GINM1: variants seen among roughly 807,000 people sequenced by gnomAD.
The protein encoded by GINM1 is glycoprotein integral membrane protein 1.
A neutral mutation model predicts 37.8 loss-of-function variants in GINM1; 29 were observed. The ratio of observed to expected loss-of-function variants is 0.77; its 90% CI spans 0.57 to 1.05. GINM1 has a LOEUF of 1.05. Among genes scored for constraint, GINM1 ranks in the 50% least tolerant of loss-of-function variants. GINM1 has a pLI of 0.00. For synonymous variants in GINM1, 143 were observed against 146.2 expected (o/e 0.98, Z 0.16); for missense variants, 377 against 397.9 (o/e 0.95, Z 0.45).
intron 7 of GINM1, among the ~76,000 whole-genome samples, chr6:149,583,300 T>C (rs1426627868): frequency 6.6e-6 from 1 of 152,044 alleles, no homozygotes; most frequent in Non-Finnish European, 1.5e-5. Context: ...CTGTCTCTAC[T>C]AAAAATACAA....
chr6:149,584,814 T>G (rs1176790072), intron 7 of GINM1, among the ~76,000 whole-genome samples: 2 of 149,276 alleles, frequency 1.3e-5, no homozygotes, highest in African/African-American at 4.9e-5. Context: ...TATTTATAAA[T>G]GTATATATAT....
chr6:149,572,044 G>T (rs946764014), intron 1 of GINM1, among the ~76,000 whole-genome samples: 14 of 151,972 alleles, frequency 9.2e-5, no homozygotes, highest in African/African-American at 3.4e-4. Flanking sequence ...TTGCGGTACT[G>T]CACTCCAGCC....
chr6:149,566,685 A>C lies in GINM1; in HGVS notation c.120+151A>C. On this transcript the variant is annotated intron_variant, in intron 1 of 7. Transcript: ENST00000367419. The surrounding 1 kb of genome is among the most constrained non-coding windows in gnomAD (Gnocchi z 4.4). The stretch of plus-strand genomic sequence containing the variant: ...GGTGTGGGGAGAAGCACCCCAGGAA[A>C]TGGGGGCGGCGTGGGAGGCCGAGGT... 3 of 1,099,288 alleles carry C rather than the reference A, an allele frequency of 2.7e-6. No individual in the cohort carries two copies. Among genetic ancestry groups the C allele is most frequent in the Non-Finnish European group, 2.4e-6 (2 of 826,894 alleles). 68.1% of individuals were successfully genotyped at this position (1,099,288 alleles called of 1,614,324 possible).
intron 6 of GINM1, chr6:149,582,106 G>A: frequency 2.1e-6 from 1 of 480,788 alleles, no homozygotes; most frequent in Non-Finnish European, 4.3e-6. Context: ...TAATGGACTA[G>A]CCTAACGAAT....
At position 149,591,439 on chromosome 6, in the gene GINM1, G is replaced by T. The variant is rs918016585; in HGVS notation, c.*601G>T. 1 of 151,878 alleles carries T rather than the reference G, an allele frequency of 6.6e-6. No homozygotes were observed. Among genetic ancestry groups the T allele is most frequent in the Non-Finnish European group, 1.5e-5 (1 of 67,980 alleles). The allele number at this position is 151,878 out of a possible 1,614,324, so 9.4% of individuals were successfully genotyped here. A position where few individuals can be genotyped will look rare whatever the true frequency, so the allele number is the denominator to read the frequency against. On this transcript the variant is annotated 3_prime_UTR_variant, in exon 8 of 8. Coordinates refer to ENST00000367419, the MANE Select transcript of GINM1 (RefSeq NM_138785.5). ...AAAAAGACCAGACAAAATCTCATGT[G>T]CCAATAACTTTTCAAGGTGCCTTTG...
chr6:149,566,566 A>G lies in GINM1; in HGVS notation c.120+32A>G. Reference sequence around the variant, plus strand: ...CAGGGCGGGCCTGGCTGGCCGCTTTACGACTCCGACTCTCCGGGAGGCCCG... The same window carrying G: ...CAGGGCGGGCCTGGCTGGCCGCTTTGCGACTCCGACTCTCCGGGAGGCCCG... On this transcript the variant is annotated intron_variant, in intron 1 of 7. Coordinates refer to ENST00000367419, the MANE Select transcript of GINM1 (RefSeq NM_138785.5). This position sits in a 1 kb window ranked among gnomAD's most constrained non-coding sequence, Gnocchi z 4.4. 1 of 1,462,314 alleles carries G rather than the reference A, an allele frequency of 6.8e-7. No individual in the cohort carries two copies. The highest frequency in any genetic ancestry group is 9.0e-7 in the Non-Finnish European group (1 of 1,108,764). 90.6% of individuals were successfully genotyped at this position (1,462,314 alleles called of 1,614,324 possible).
chr6:149,578,444 T>C (rs1318046438), intron 3 of GINM1, among the ~76,000 whole-genome samples: 2 of 148,856 alleles, frequency 1.3e-5, no homozygotes, highest in Non-Finnish European at 3.0e-5. Context: ...GAGAATCCCT[T>C]GAACCCAGGA....
chr6:149,575,300 A>G (rs1777897457), intron 3 of GINM1, among the ~76,000 whole-genome samples: 1 of 152,206 alleles, frequency 6.6e-6, no homozygotes, highest in African/African-American at 2.4e-5. Context: ...TTAGCAGTGA[A>G]TGGTCTGAGG....
Position 149,566,418 on chromosome 6 carries a change from G to A in GINM1, c.4G>A (p.Glu2Lys). ...CCCTCTGCCCGGGTTGTCCAAGATG[G>A]AGGGCGCTCCACCGGGGTCGCTCGC... MEGAPPGSLALR... is the reference protein window; with the variant it reads MKGAPPGSLALR... Residue 2 changes from glutamate to lysine, a missense_variant, in exon 1 of 8, where the codon GAG becomes AAG. Coordinates refer to ENST00000367419, the MANE Select transcript of GINM1 (RefSeq NM_138785.5). The surrounding 1 kb of genome is among the most constrained non-coding windows in gnomAD (Gnocchi z 4.4). The A allele has an allele frequency of 6.4e-7, 1 of 1,568,478 alleles. No homozygotes were observed. Among genetic ancestry groups the A allele is most frequent in the Non-Finnish European group, 8.6e-7 (1 of 1,168,132 alleles).
chr6:149,571,287 T>C (rs1462422841), intron 1 of GINM1, among the ~76,000 whole-genome samples: 4 of 144,192 alleles, frequency 2.8e-5, no homozygotes, highest in Non-Finnish European at 6.0e-5. Context: ...CACTCTAGCC[T>C]GGGCAACAGA....
chr6:149,582,668 A>G (rs1417487669), intron 7 of GINM1, 65 bp downstream of exon 7: 3 of 1,125,038 alleles, frequency 2.7e-6, no homozygotes, highest in East Asian at 2.7e-5. Flanking sequence ...CATATTTGCT[A>G]TGTTTTAGAA....
In GINM1 at chr6:149,591,041, TC is replaced by T. The variant is rs1239832322; in HGVS notation, c.*206del. 4.0e-5 allele frequency: 19 copies of T among 471,198 alleles called. No individual in the cohort carries two copies. Among genetic ancestry groups the T allele is most frequent in the African/African-American group, 3.6e-4 (18 of 50,284 alleles). The allele number at this position is 471,198 out of a possible 1,614,324, so 29.2% of individuals were successfully genotyped here. ...CGGGTGCAGTGGCTCATGCCTGTAA[TC>T]CCAGGACTTTGGGAGGCCAATGCGG... is the stretch of plus-strand genomic sequence containing the variant. On this transcript the variant is annotated 3_prime_UTR_variant, in exon 8 of 8. Transcript: ENST00000367419.
At chr6:149,578,747 A>C (rs1335757705) in intron 3 of GINM1, 75 bp from the exon 4 acceptor site, 25 of 1,026,870 alleles carry the variant, frequency 2.4e-5, no homozygotes, top group Non-Finnish European at 3.4e-5. Context: ...TGTAAATGTC[A>C]TCAAAATAAT....
At chr6:149,567,896 G>A (rs555948128) in intron 1 of GINM1, among the ~76,000 whole-genome samples, 112 of 152,224 alleles carry the variant, frequency 7.4e-4, no homozygotes, top group African/African-American at 2.6e-3. Context: ...CTGGAAATAC[G>A]GACATTATTT....
chr6:149,566,835 G>A lies in GINM1; in HGVS notation c.120+301G>A, dbSNP rs1296616736. On this transcript the variant is annotated intron_variant, in intron 1 of 7. Coordinates refer to ENST00000367419, the MANE Select transcript of GINM1 (RefSeq NM_138785.5). This position sits in a 1 kb window ranked among gnomAD's most constrained non-coding sequence, Gnocchi z 4.4. ...GGCTTTGCCGTCGAAGCGCGCGGTT[G>A]CCGGTGATCAGGCCTTCGTAATGGC... Among the ~76,000 whole-genome samples, 1 of 152,250 alleles carries A rather than the reference G, an allele frequency of 6.6e-6. No individual in the cohort carries two copies. The highest frequency in any genetic ancestry group is 1.9e-4 in the East Asian group (1 of 5,196).
At position 149,586,319 on chromosome 6, in the gene GINM1, A is replaced by G. The variant is rs77197759; in HGVS notation, c.881+3716A>G. ...GGGGGGTGTCAGGCTCTTTTTAACA[A>G]CCAGGTCTCCAGGGAATGAATAATG... On this transcript the variant is annotated intron_variant, in intron 7 of 7. Coordinates refer to ENST00000367419, the MANE Select transcript of GINM1 (RefSeq NM_138785.5). 4.5e-3 allele frequency among the ~76,000 whole-genome samples: 685 copies of G among 152,230 alleles called. 4 individuals are homozygous for G. The highest frequency in any genetic ancestry group is 0.016 in the African/African-American group (660 of 41,538).
At position 149,584,195 on chromosome 6, in the gene GINM1, C is replaced by T. The variant is rs540885532; in HGVS notation, c.881+1592C>T. ...TTTTCCACGTTGGCCCAGCTGGTCT[C>T]GAACTCCTGACCTCAGGTGGATCAG... On this transcript the variant is annotated intron_variant, in intron 7 of 7. Coordinates refer to ENST00000367419, the MANE Select transcript of GINM1 (RefSeq NM_138785.5). 5.3e-5 allele frequency among the ~76,000 whole-genome samples: 8 copies of T among 152,176 alleles called. No individual in the cohort carries two copies. In the South Asian group the frequency reaches 1.5e-3, roughly 28 times the overall value.
At position 149,580,648 on chromosome 6, in the gene GINM1, C is replaced by T; in HGVS notation, c.642C>T (p.Thr214=). The change falls in exon 6 of 8, where the codon ACC becomes ACT. Residue 214 remains threonine (T), a synonymous_variant. Coordinates refer to ENST00000367419, the MANE Select transcript of GINM1 (RefSeq NM_138785.5). ...AGTATCTTATCAGGAATGTGGAAAC[C>T]ACTGTAGATGAAGATGTTTTACCTG... ...TSQYLIRNVE[T]TVDEDVLPGK... 3 of 1,613,592 alleles carry T rather than the reference C, an allele frequency of 1.9e-6. No homozygotes were observed. The highest frequency in any genetic ancestry group is 2.5e-6 in the Non-Finnish European group (3 of 1,179,576).
intron 1 of GINM1, among the ~76,000 whole-genome samples, chr6:149,571,098 G>A (rs1777811152): frequency 6.6e-6 from 1 of 152,036 alleles, no homozygotes; most frequent in Admixed American, 6.6e-5. Context: ...GGTGGATCAC[G>A]AGGTCGGGAG....
Sources: gnomAD v4.1 joint callset for allele counts (sites outside exome capture counted in the v4.1 genomes callset) on GRCh38, gnomAD v4.1.1 for gene constraint, Gnocchi (gnomAD v3.1) non-coding constraint, MANE v1.5 for transcripts, NCBI Gene and HGNC (gene_info 2026-07-23, HGNC 2026-07-21) for gene names.